Variants in PPP1R42 observed in about 807,000 individuals in gnomAD.
PPP1R42 encodes leucine rich repeat containing 67.
In PPP1R42, 34 loss-of-function variants were observed where a neutral mutation model predicts 31.0. The ratio of observed to expected loss-of-function variants is 1.10; its 90% CI spans 0.83 to 1.46. PPP1R42 has a LOEUF of 1.46. Among genes scored for constraint, PPP1R42 ranks in the 40% most tolerant of loss-of-function variants. The pLI is 0.00. For missense variants in PPP1R42, 268 were observed against 303.0 expected (o/e 0.88, Z 0.86); for synonymous variants, 103 against 109.8 (o/e 0.94, Z 0.39).
intron 1 of PPP1R42, among the ~76,000 whole-genome samples, chr8:67,018,253 A>T (rs1163647244): frequency 1.5e-5 from 2 of 137,112 alleles, no homozygotes; most frequent in Admixed American, 7.7e-5. Flanking sequence ...AGTAGCTGGG[A>T]TTACAGGAGC....
intron 5 of PPP1R42, among the ~76,000 whole-genome samples, chr8:67,001,244 A>T (rs1035690095): frequency 3.4e-5 from 5 of 146,442 alleles, no homozygotes; most frequent in Non-Finnish European, 7.5e-5. Context: ...TTTTTAAAGC[A>T]TAGATAACAA....
At chr8:67,022,293 T>C (rs1006062984) in intron 1 of PPP1R42, among the ~76,000 whole-genome samples, 8 of 152,218 alleles carry the variant, frequency 5.3e-5, no homozygotes, top group African/African-American at 1.7e-4. Context: ...TTATTGGCCA[T>C]GTGGAGTTTC....
chr8:66,985,062 C>T (rs922051799), intron 6 of PPP1R42: 41 of 1,384,616 alleles, frequency 3.0e-5, no homozygotes, highest in Non-Finnish European at 3.8e-5. Flanking sequence ...AGTCCCACCA[C>T]TCAATTTCAG....
At chr8:66,969,959 G>A (rs1814496600) in intron 7 of PPP1R42, among the ~76,000 whole-genome samples, 1 of 152,070 alleles carries the variant, frequency 6.6e-6, no homozygotes. Flanking sequence ...AAAGCCCATA[G>A]CATTTATCAC....
intron 5 of PPP1R42, 106 bp downstream of exon 5, chr8:67,010,608 TC>T: frequency 5.3e-6 from 4 of 749,314 alleles, no homozygotes; most frequent in Non-Finnish European, 6.6e-6. Context: ...TTAGAACAAA[TC>T]CAGAGTAGTT....
chr8:67,028,441 G>C (rs1480227863), intron 1 of PPP1R42, 50 bp downstream of exon 1: 2 of 973,674 alleles, frequency 2.1e-6, no homozygotes, highest in Non-Finnish European at 2.4e-6. Flanking sequence ...TGAGAAACAT[G>C]GTTCTAGGGT....
At chr8:67,016,721 A>T (rs1330666919) in intron 2 of PPP1R42, among the ~76,000 whole-genome samples, 1 of 152,192 alleles carries the variant, frequency 6.6e-6, no homozygotes, top group Non-Finnish European at 1.5e-5. Flanking sequence ...TTTGTTGCCC[A>T]GGCTGTATTA....
intron 2 of PPP1R42, 98 bp from the exon 3 acceptor site, chr8:67,014,690 T>C: frequency 1.3e-6 from 1 of 775,018 alleles, no homozygotes; most frequent in Non-Finnish European, 2.0e-6. Context: ...TACAAATTTC[T>C]CTAAGGTTAA....
Position 66,997,085 on chromosome 8 carries a change from G to A in PPP1R42, c.553-8568C>T, listed in dbSNP as rs543123526. Among the ~76,000 whole-genome samples the A allele has an allele frequency of 9.5e-4, 144 of 152,244 alleles. 1 individual carries two copies. The highest frequency in any genetic ancestry group is 1.7e-3 in the Non-Finnish European group (118 of 68,002). ...GAAGAATTGCTTGAACCCAGGAGGC[G>A]GAGGTTGCAGTGAGCTGAGATTGTG... On this transcript the variant is annotated intron_variant, in intron 5 of 7. Transcript: ENST00000685739.
chr8:67,003,090 C>A (rs1159729226), intron 5 of PPP1R42, among the ~76,000 whole-genome samples: 1 of 149,384 alleles, frequency 6.7e-6, no homozygotes, highest in Admixed American at 6.7e-5. Flanking sequence ...CTTTTGAACC[C>A]CGGAGGCGGA....
At chr8:66,984,329 G>C in intron 6 of PPP1R42, 1 of 1,274,172 alleles carries the variant, frequency 7.8e-7, no homozygotes. Context: ...TCCTCATCAG[G>C]TTCCTCATGA....
At chr8:67,018,599 G>C (rs1816092670) in intron 1 of PPP1R42, among the ~76,000 whole-genome samples, 1 of 150,544 alleles carries the variant, frequency 6.6e-6, no homozygotes, top group Non-Finnish European at 1.5e-5. Context: ...TGCAACCTCC[G>C]TCTCCTGGGT....
chr8:67,014,551 T>G lies in PPP1R42; in HGVS notation c.171A>C (p.Leu57Phe). 6.4e-7 allele frequency: 1 copy of G among 1,550,556 alleles called. No individual in the cohort carries two copies. The highest frequency in any genetic ancestry group is 2.3e-5 in the East Asian group (1 of 43,390). Residue 57 changes from leucine (L) to phenylalanine (F), a missense_variant, in exon 3 of 8, where the codon TTA becomes TTC. Leu to Phe is a conservative substitution (Grantham distance 22). Transcript: ENST00000685739. ...TGATTTGACTAATACAATTATCATA[T>G]AAATATAAAACACTAAGATTTTTGC... Reference protein sequence around the residue: ...SLCKNLSVLYLYDNCISQITN... With the variant: ...SLCKNLSVLYFYDNCISQITN...
intron 5 of PPP1R42, among the ~76,000 whole-genome samples, chr8:66,990,789 C>T (rs1296263069): frequency 6.6e-6 from 1 of 152,328 alleles, no homozygotes; most frequent in East Asian, 1.9e-4. Context: ...ATCCTTCTGA[C>T]TGCCTGTCAT....
chr8:66,974,741 A>T (rs1814623557), intron 7 of PPP1R42, among the ~76,000 whole-genome samples: 1 of 152,100 alleles, frequency 6.6e-6, no homozygotes, highest in South Asian at 2.1e-4. Flanking sequence ...TGTTTAAGAG[A>T]CTTTTCTTTC....
At chr8:67,022,066 T>C (rs973742113) in intron 1 of PPP1R42, among the ~76,000 whole-genome samples, 3 of 152,174 alleles carry the variant, frequency 2.0e-5, no homozygotes, top group Non-Finnish European at 4.4e-5. Flanking sequence ...CACTTCTGGG[T>C]TGGACATTTC....
At chr8:67,015,342 T>C (rs1056694457) in intron 2 of PPP1R42, among the ~76,000 whole-genome samples, 3 of 152,168 alleles carry the variant, frequency 2.0e-5, no homozygotes, top group African/African-American at 7.2e-5. Context: ...TTAAAAACTA[T>C]GATAATGCTA....
At chr8:66,981,989 T>G in intron 7 of PPP1R42, 60 bp downstream of exon 7, 9 of 1,269,768 alleles carry the variant, frequency 7.1e-6, no homozygotes, top group Non-Finnish European at 8.9e-6. Flanking sequence ...CATTTTTTTG[T>G]TGCCTAGAAT....
chr8:67,015,439 A>G (rs1238284244), intron 2 of PPP1R42, among the ~76,000 whole-genome samples: 1 of 152,180 alleles, frequency 6.6e-6, no homozygotes, highest in South Asian at 2.1e-4. Context: ...CATAATATAT[A>G]GTTAAGTGAA....
Sources: gnomAD v4.1 joint callset for allele counts (sites outside exome capture counted in the v4.1 genomes callset) on GRCh38, gnomAD v4.1.1 for gene constraint, MANE v1.5 for transcripts, NCBI Gene and HGNC (gene_info 2026-07-23, HGNC 2026-07-21) for gene names.